The following NKAIN3 variants were observed in gnomAD, a reference collection of about 807,000 sequenced individuals.
The protein encoded by NKAIN3 is sodium/potassium-transporting ATPase subunit beta-1-interacting protein 3.
In NKAIN3, 25 loss-of-function variants were observed where a neutral mutation model predicts 30.2. The observed-to-expected ratio is 0.83, with a 90% CI of 0.60 to 1.16. The LOEUF is 1.16. Among genes scored for constraint, NKAIN3 ranks in the 50% most tolerant of loss-of-function variants. The probability of loss-of-function intolerance (pLI) is 0.00; values close to 1 mark genes in which losing one functional copy is unlikely to be tolerated. For synonymous variants in NKAIN3, 91 were observed against 89.6 expected (o/e 1.02, Z -0.09); for missense variants, 225 against 254.1 (o/e 0.89, Z 0.78).
chr8:62,677,509 T>C (rs533123473), intron 3 of NKAIN3, among the ~76,000 whole-genome samples: 4 of 152,322 alleles, frequency 2.6e-5, no homozygotes, highest in African/African-American at 9.6e-5. Context: ...AGTGCTTTGA[T>C]CATGACAAGG....
At chr8:62,952,079 C>T (rs1823297432) in intron 5 of NKAIN3, among the ~76,000 whole-genome samples, 1 of 152,050 alleles carries the variant, frequency 6.6e-6, no homozygotes, top group Admixed American at 6.6e-5. Context: ...GCAATATAGG[C>T]ATGAACCACC....
At chr8:62,541,860 A>G (rs1316586969) in intron 1 of NKAIN3, among the ~76,000 whole-genome samples, 1 of 152,092 alleles carries the variant, frequency 6.6e-6, no homozygotes, top group African/African-American at 2.4e-5. Context: ...TTCTCCCTGC[A>G]AATCTTTCTT....
At chr8:62,423,260 G>T (rs1804701275) in intron 1 of NKAIN3, among the ~76,000 whole-genome samples, 2 of 151,798 alleles carry the variant, frequency 1.3e-5, no homozygotes, top group African/African-American at 4.8e-5. Context: ...ATTTTAATAG[G>T]CAACTAGTCA....
intron 1 of NKAIN3, among the ~76,000 whole-genome samples, chr8:62,502,788 C>A (rs1807501548): frequency 6.6e-6 from 1 of 152,156 alleles, no homozygotes; most frequent in Non-Finnish European, 1.5e-5. Context: ...TCTGGACTTC[C>A]AAATTCAATG....
intron 1 of NKAIN3, among the ~76,000 whole-genome samples, chr8:62,435,776 A>C (rs1805154450): frequency 2.0e-5 from 3 of 152,208 alleles, no homozygotes; most frequent in Non-Finnish European, 4.4e-5. Flanking sequence ...ATTTTGATGT[A>C]CATTATTTTA....
At chr8:62,635,757 C>G (rs1812106750) in intron 3 of NKAIN3, among the ~76,000 whole-genome samples, 1 of 152,124 alleles carries the variant, frequency 6.6e-6, no homozygotes, top group African/African-American at 2.4e-5. Context: ...TTTCCAACCT[C>G]CAGATATGTG....
At chr8:62,998,520 C>T (rs932868960) in intron 5 of NKAIN3, among the ~76,000 whole-genome samples, 5 of 152,156 alleles carry the variant, frequency 3.3e-5, no homozygotes, top group Non-Finnish European at 5.9e-5. Flanking sequence ...AGTGATCCAC[C>T]TGCCTCGGCC....
At chr8:62,920,844 C>T (rs1404300797) in intron 5 of NKAIN3, among the ~76,000 whole-genome samples, 1 of 152,158 alleles carries the variant, frequency 6.6e-6, no homozygotes, top group Non-Finnish European at 1.5e-5. Context: ...CAAAGACTAA[C>T]TTAACATGAT....
At chr8:62,505,382 G>A (rs1003737444) in intron 1 of NKAIN3, among the ~76,000 whole-genome samples, 1 of 152,096 alleles carries the variant, frequency 6.6e-6, no homozygotes, top group African/African-American at 2.4e-5. Flanking sequence ...ATATACAACA[G>A]TTCATTATGA....
chr8:62,903,200 T>C (rs546889023), intron 4 of NKAIN3, among the ~76,000 whole-genome samples: 2 of 152,330 alleles, frequency 1.3e-5, no homozygotes, highest in Non-Finnish European at 2.9e-5. Context: ...TCCATATTCA[T>C]TGATTCATTT....
chr8:62,875,574 A>G (rs1437162069), intron 4 of NKAIN3, among the ~76,000 whole-genome samples: 3 of 152,238 alleles, frequency 2.0e-5, no homozygotes, highest in Admixed American at 1.3e-4. Flanking sequence ...ACTTCAAACT[A>G]TACTACAAGG....
chr8:62,480,477 G>A (rs2129600734), intron 1 of NKAIN3, among the ~76,000 whole-genome samples: 1 of 151,582 alleles, frequency 6.6e-6, no homozygotes, highest in Non-Finnish European at 1.5e-5. Flanking sequence ...TAAGGTCAGG[G>A]GGAAAGTAAT....
At chr8:62,817,844 G>C (rs898838340) in intron 4 of NKAIN3, among the ~76,000 whole-genome samples, 10 of 152,154 alleles carry the variant, frequency 6.6e-5, no homozygotes, top group African/African-American at 2.2e-4. Context: ...TCACAGACCA[G>C]GGTCCAGCAG....
intron 4 of NKAIN3, among the ~76,000 whole-genome samples, chr8:62,853,310 G>T (rs1819967489): frequency 6.6e-6 from 1 of 152,122 alleles, no homozygotes; most frequent in East Asian, 1.9e-4. Context: ...TTGCTTGGTA[G>T]ATCTTCCTCC....
At chr8:62,288,590 C>A (rs1357980592) in intron 1 of NKAIN3, among the ~76,000 whole-genome samples, 2 of 152,158 alleles carry the variant, frequency 1.3e-5, no homozygotes, top group Non-Finnish European at 2.9e-5. Flanking sequence ...TTTATGGCTG[C>A]ATAGTATTCC....
chr8:62,938,936 C>T (rs115072278), intron 5 of NKAIN3, among the ~76,000 whole-genome samples: 2,044 of 152,094 alleles, frequency 0.013, 49 homozygotes, highest in African/African-American at 0.047. Flanking sequence ...TTCAGAAGGT[C>T]GATTATTAGG....
intron 1 of NKAIN3, among the ~76,000 whole-genome samples, chr8:62,456,497 C>T (rs555354137): frequency 3.3e-4 from 50 of 149,910 alleles, no homozygotes; most frequent in Non-Finnish European, 6.6e-4. Flanking sequence ...CCAGCTTGGG[C>T]GACAGAGCGA....
chr8:62,330,984 T>C, intron 1 of NKAIN3, among the ~76,000 whole-genome samples: 1 of 149,970 alleles, frequency 6.7e-6, no homozygotes, highest in Non-Finnish European at 1.5e-5. Context: ...ATCTCTAGAC[T>C]TCTCTCTCTC....
rs1159465297 is a variant in NKAIN3 at position 62,815,067 on chromosome 8, AC to A, written c.471+67941del. On this transcript the variant is annotated intron_variant, in intron 4 of 6. Coordinates refer to ENST00000623646, the MANE Select transcript of NKAIN3 (RefSeq NM_001304533.3). ...CACCGATCCCACAGAAATACAAACTACCCATCAGAGAATACTATAAATACCT... is the reference window on the plus strand; with the variant it reads ...CACCGATCCCACAGAAATACAAACTACCATCAGAGAATACTATAAATACCT... Among the ~76,000 whole-genome samples the A allele has an allele frequency of 3.9e-4, 60 of 152,172 alleles. 2 individuals are homozygous for A. Among genetic ancestry groups the A allele is most frequent in the African/African-American group, 1.4e-3 (59 of 41,504 alleles).
Sources: allele counts gnomAD v4.1 joint callset (sites outside exome capture counted in the v4.1 genomes callset), GRCh38; gene constraint gnomAD v4.1.1; transcripts MANE v1.5; gene names NCBI Gene and HGNC (gene_info 2026-07-23, HGNC 2026-07-21).